Variants in MAP2 observed in about 807,000 individuals in gnomAD.
MAP2 encodes the protein microtubule associated protein 2, also known as microtubule-associated protein 2.
In MAP2, 14 loss-of-function variants were observed where a neutral mutation model predicts 137.6. The observed-to-expected ratio is 0.10, with a 90% confidence interval of 0.07 to 0.16. The LOEUF (loss-of-function observed/expected upper bound fraction) is 0.16, where lower values mean the gene tolerates loss of function less well. Among genes scored for constraint, MAP2 ranks in the 10% least tolerant of loss-of-function variants. The probability of loss-of-function intolerance (pLI) is 1.00; values close to 1 mark genes in which losing one functional copy is unlikely to be tolerated. For missense variants in MAP2, 2,088 were observed against 2,191.5 expected (o/e 0.95, Z 0.94); for synonymous variants, 786 against 782.3 (o/e 1.00, Z -0.08).
chr2:209,458,907 A>C (rs937859243), intron 1 of MAP2, among the ~76,000 whole-genome samples: 2 of 152,152 alleles, frequency 1.3e-5, no homozygotes. Context: ...GATGATACTT[A>C]TATGTAGCTT....
intron 2 of MAP2, among the ~76,000 whole-genome samples, chr2:209,563,422 T>G (rs1359575002): frequency 1.3e-5 from 2 of 152,202 alleles, no homozygotes; most frequent in African/African-American, 4.8e-5. Context: ...AAATGCCCTG[T>G]CCTTAGTAAG....
At chr2:209,679,457 ACT>A (rs1333673724) in intron 6 of MAP2, among the ~76,000 whole-genome samples, 6 of 151,814 alleles carry the variant, frequency 4.0e-5, no homozygotes, top group East Asian at 1.9e-4. Flanking sequence ...AGGAAAGGAG[ACT>A]CTCTTAAATT....
Position 209,696,070 on chromosome 2 carries a change from T to C in MAP2, c.3900T>C (p.Asp1300=). ...DFITVVQTTT[D]EGESGSHSVR... is the part of the protein sequence containing the mutation. ...TCACTGTAGTGCAAACCACAACTGA[T>C]GAAGGGGAGTCAGGGTCCCACAGCG... The change falls in exon 8 of 16, where the codon GAT becomes GAC. Residue 1300 remains aspartate (D), a synonymous_variant. Transcript: ENST00000682079. The C allele has an allele frequency of 6.2e-7, 1 of 1,613,986 alleles. No homozygotes were observed.
rs112861196 is a variant in MAP2, at chr2:209,733,460, CCACACA to C, written c.*3091_*3096del. ...AATGTACTGATTGTAGTGACCTTCT[CCACACA>C]CACACACACACACACACACACACAC... On this transcript the variant is annotated 3_prime_UTR_variant, in exon 16 of 16. Coordinates refer to ENST00000682079, the MANE Select transcript of MAP2 (RefSeq NM_001375505.1). 0.015 allele frequency: 2,286 copies of C among 147,632 alleles called. 53 individuals are homozygous for C. Among genetic ancestry groups the C allele is most frequent in the African/African-American group, 0.049 (1,981 of 40,106 alleles). 9.1% of individuals were successfully genotyped at this position (147,632 alleles called of 1,614,324 possible).
intron 5 of MAP2, among the ~76,000 whole-genome samples, chr2:209,655,026 A>T (rs2095054493): frequency 5.3e-5 from 8 of 152,186 alleles, no homozygotes; most frequent in Admixed American, 1.3e-4. Context: ...ATGCAGTAAA[A>T]ACCAACACCA....
chr2:209,718,510 A>G (rs2068710344), intron 13 of MAP2, among the ~76,000 whole-genome samples: 2 of 152,074 alleles, frequency 1.3e-5, no homozygotes, highest in African/African-American at 4.8e-5. Flanking sequence ...CTGAGAGACC[A>G]TTTACAAATA....
chr2:209,450,444 T>G (rs1056146833), intron 1 of MAP2, among the ~76,000 whole-genome samples: 5 of 152,194 alleles, frequency 3.3e-5, no homozygotes, highest in African/African-American at 7.2e-5. Flanking sequence ...CCATGTCAAT[T>G]TACAGATTAG....
At chr2:209,498,899 C>G (rs1010342705) in intron 1 of MAP2, among the ~76,000 whole-genome samples, 7 of 152,278 alleles carry the variant, frequency 4.6e-5, no homozygotes, top group African/African-American at 1.7e-4. Flanking sequence ...CTCTGAAATG[C>G]CTTCAAGGCC....
At chr2:209,434,262 G>A (rs186125223) in intron 1 of MAP2, among the ~76,000 whole-genome samples, 416 of 151,948 alleles carry the variant, frequency 2.7e-3, no homozygotes, top group Admixed American at 3.4e-3. Context: ...TTTCGGCATG[G>A]TTCAGAGCTG....
At chr2:209,480,262 G>A (rs1398920003) in intron 1 of MAP2, among the ~76,000 whole-genome samples, 1 of 152,156 alleles carries the variant, frequency 6.6e-6, no homozygotes, top group Non-Finnish European at 1.5e-5. Context: ...TACTAGACTA[G>A]TAGACTCCAC....
Position 209,438,597 on chromosome 2 carries a change from T to C in MAP2, c.-222+14321T>C, listed in dbSNP as rs926509121. ...ACCTTCTTAAACCTGCAGAGAAGAT[T>C]CTATATGTTTATGGAGAATCTCCTC... On this transcript the variant is annotated intron_variant, in intron 1 of 15. Coordinates refer to ENST00000682079, the MANE Select transcript of MAP2 (RefSeq NM_001375505.1). Among the ~76,000 whole-genome samples, 3 of 151,654 alleles carry C rather than the reference T, an allele frequency of 2.0e-5. No individual in the cohort carries two copies. The East Asian group carries it at 5.8e-4, about 29-fold the overall frequency.
At chr2:209,476,194 AG>A (rs1707170379) in intron 1 of MAP2, among the ~76,000 whole-genome samples, 1 of 152,108 alleles carries the variant, frequency 6.6e-6, no homozygotes, top group Non-Finnish European at 1.5e-5. Context: ...TGTGGATCCT[AG>A]TTTTGGAAAT....
At chr2:209,434,775 T>C (rs1481494110) in intron 1 of MAP2, among the ~76,000 whole-genome samples, 4 of 148,332 alleles carry the variant, frequency 2.7e-5, no homozygotes, top group Non-Finnish European at 4.5e-5. Flanking sequence ...TGAGCTATGA[T>C]TGTGCCACTG....
intron 2 of MAP2, among the ~76,000 whole-genome samples, chr2:209,564,052 T>A (rs538438741): frequency 1.3e-5 from 2 of 152,342 alleles, no homozygotes; most frequent in East Asian, 3.9e-4. Flanking sequence ...TGAAGGTCAG[T>A]TAGTCTTAAA....
intron 2 of MAP2, among the ~76,000 whole-genome samples, chr2:209,554,952 T>C (rs902877007): frequency 8.4e-5 from 12 of 142,122 alleles, no homozygotes; most frequent in African/African-American, 3.4e-4. Flanking sequence ...ATATATATAT[T>C]ATTTTTATAT....
intron 4 of MAP2, among the ~76,000 whole-genome samples, chr2:209,626,009 A>G (rs573649999): frequency 6.6e-6 from 1 of 152,156 alleles, no homozygotes; most frequent in Non-Finnish European, 1.5e-5. Context: ...TAGTTTTTTT[A>G]AATTAGAAGT....
intron 1 of MAP2, among the ~76,000 whole-genome samples, chr2:209,451,449 A>G (rs1013469701): frequency 2.6e-5 from 4 of 152,116 alleles, no homozygotes; most frequent in African/African-American, 7.2e-5. Flanking sequence ...TGTGCCTCCC[A>G]GGTAAGTAGT....
intron 1 of MAP2, among the ~76,000 whole-genome samples, chr2:209,468,971 G>C (rs1390199181): frequency 6.6e-6 from 1 of 152,164 alleles, no homozygotes; most frequent in Non-Finnish European, 1.5e-5. Flanking sequence ...TAACATCCAA[G>C]ATGATACTAT....
chr2:209,428,963 A>ATTTT (rs1329983197), intron 1 of MAP2, among the ~76,000 whole-genome samples: 5 of 106,812 alleles, frequency 4.7e-5, no homozygotes, highest in Admixed American at 4.5e-4. Context: ...TTATTTATTT[A>ATTTT]TTTATTTTGA....
Sources: allele counts gnomAD v4.1 joint callset (sites outside exome capture counted in the v4.1 genomes callset), GRCh38; gene constraint gnomAD v4.1.1; transcripts MANE v1.5; gene names NCBI Gene and HGNC (gene_info 2026-07-23, HGNC 2026-07-21).